The following LCORL variants were observed in gnomAD, a reference collection of about 807,000 sequenced individuals.
The protein encoded by LCORL is ligand dependent nuclear receptor corepressor like, also known as ligand-dependent nuclear receptor corepressor-like protein.
In LCORL, 41 loss-of-function variants were observed where a neutral mutation model predicts 141.8. That is an observed-to-expected ratio of 0.29 (90% CI 0.23 to 0.38). LCORL has a LOEUF of 0.38. Ranked by LOEUF, LCORL falls within the 10% of genes least tolerant of loss-of-function variation. The pLI is 1.00. For missense variants in LCORL, 1,759 were observed against 2,035.0 expected, an observed-to-expected ratio of 0.86 and a Z score of 2.61; for synonymous variants, 618 against 694.1, an observed-to-expected ratio of 0.89 and a Z score of 1.72.
intron 4 of LCORL, among the ~76,000 whole-genome samples, chr4:17,957,648 A>G (rs183911436): frequency 6.6e-6 from 1 of 152,108 alleles, no homozygotes; most frequent in Admixed American, 6.5e-5. Context: ...AGAAATGTAA[A>G]AAGTCTTCAA....
chr4:17,854,688 A>C (rs1436618532), intron 7 of LCORL, among the ~76,000 whole-genome samples: 1 of 152,144 alleles, frequency 6.6e-6, no homozygotes, highest in East Asian at 1.9e-4. Context: ...CTTTTTTAAA[A>C]AAAAACAAAA....
chr4:17,885,744 A>G (rs757797999), intron 6 of LCORL, among the ~76,000 whole-genome samples: 6 of 151,954 alleles, frequency 3.9e-5, no homozygotes, highest in Non-Finnish European at 8.8e-5. Context: ...AATAAATTAC[A>G]TATTTCCCTT....
intron 3 of LCORL, 101 bp from the exon 4 acceptor site, chr4:17,962,133 G>T: frequency 1.5e-6 from 1 of 656,326 alleles, no homozygotes; most frequent in Non-Finnish European, 2.4e-6. Flanking sequence ...ATGCCCATTT[G>T]TTCTGCTCTT....
intron 1 of LCORL, among the ~76,000 whole-genome samples, chr4:17,973,940 T>C (rs1716456880): frequency 6.6e-6 from 1 of 152,016 alleles, no homozygotes; most frequent in Non-Finnish European, 1.5e-5. Flanking sequence ...GTAAGGTAGC[T>C]ATCATGATAC....
Position 17,884,326 on chromosome 4 carries a change from G to C in LCORL, c.776+1742C>G, listed in dbSNP as rs147396791. The C allele has an allele frequency of 6.8e-5, 106 of 1,547,886 alleles. 1 individual carries two copies. The African/African-American group carries it at 1.3e-3, about 20-fold the overall frequency. ...CAGTAGGATTTGAAGTTTCATATTG[G>C]AGGCTTTCATTTTTTTCTTTAAACT... On this transcript the variant is annotated intron_variant, in intron 6 of 7. Coordinates refer to ENST00000635767, the Ensembl canonical transcript of LCORL. The surrounding 1 kb of genome is among the most constrained non-coding windows in gnomAD (Gnocchi z 4.4).
chr4:18,011,287 T>C (rs1723731564), intron 1 of LCORL, among the ~76,000 whole-genome samples: 1 of 152,154 alleles, frequency 6.6e-6, no homozygotes, highest in Non-Finnish European at 1.5e-5. Context: ...GACTGCTCAT[T>C]TTCCCAGTTT....
intron 5 of LCORL, among the ~76,000 whole-genome samples, chr4:17,887,227 C>CA (rs886080995): frequency 1.1e-4 from 16 of 146,870 alleles, no homozygotes; most frequent in African/African-American, 3.0e-4. Flanking sequence ...AGAAGAGCAT[C>CA]AAAAAAAAAA....
chr4:17,959,491 T>G lies in LCORL; in HGVS notation c.430+2412A>C, dbSNP rs138185732. On this transcript the variant is annotated intron_variant, in intron 4 of 7. Transcript: ENST00000635767. ...CAGTACTTACCCTCTTAATATTGTT[T>G]TGGCATTAAATGAGATAGAGCATAA... Among the ~76,000 whole-genome samples the G allele has an allele frequency of 3.0e-3, 456 of 152,124 alleles. 7 individuals carry two copies. Among genetic ancestry groups the G allele is most frequent in the Admixed American group, 0.026 (402 of 15,262 alleles).
intron 4 of LCORL, among the ~76,000 whole-genome samples, chr4:17,911,357 T>C (rs890615700): frequency 6.6e-6 from 1 of 152,150 alleles, no homozygotes; most frequent in African/African-American, 2.4e-5. Context: ...ATGCATAGGT[T>C]TCAAAAATGT....
chr4:17,873,287 G>T, intron 7 of LCORL, 101 bp downstream of exon 7: 2 of 748,670 alleles, frequency 2.7e-6, no homozygotes, highest in Non-Finnish European at 3.7e-6. Flanking sequence ...CAAATATTTT[G>T]GAAACTAATT....
chr4:17,910,063 T>A (rs1732267048), intron 4 of LCORL, among the ~76,000 whole-genome samples: 2 of 152,214 alleles, frequency 1.3e-5, no homozygotes, highest in Non-Finnish European at 2.9e-5. Flanking sequence ...AAGATACTTC[T>A]GTAAAATGAG....
intron 4 of LCORL, among the ~76,000 whole-genome samples, chr4:17,944,188 G>C (rs1348930232): frequency 6.6e-6 from 1 of 152,118 alleles, no homozygotes; most frequent in South Asian, 2.1e-4. Context: ...TTCTTTAGCA[G>C]ATACATAGTC....
chr4:17,993,460 C>T (rs1577671163), intron 1 of LCORL, among the ~76,000 whole-genome samples: 1 of 152,230 alleles, frequency 6.6e-6, no homozygotes, highest in Middle Eastern at 3.4e-3. Flanking sequence ...CCGCCTCAGC[C>T]TCCCAAAGTG....
intron 7 of LCORL, among the ~76,000 whole-genome samples, chr4:17,848,593 C>T (rs947168648): frequency 1.4e-4 from 21 of 152,366 alleles, no homozygotes; most frequent in African/African-American, 1.9e-4. Context: ...CAGCTCCCAG[C>T]GTGAGCGACG....
At chr4:17,912,214 G>T in intron 4 of LCORL, 2 of 764,482 alleles carry the variant, frequency 2.6e-6, no homozygotes, top group Non-Finnish European at 4.8e-6. Flanking sequence ...GACAAAGCTG[G>T]CCGTGCGCCA....
intron 1 of LCORL, among the ~76,000 whole-genome samples, chr4:18,006,215 TAA>T (rs1161288363): frequency 6.6e-6 from 1 of 152,136 alleles, no homozygotes; most frequent in Non-Finnish European, 1.5e-5. Flanking sequence ...TGCTAAAACA[TAA>T]AAAGAGTCAC....
At chr4:17,965,454 ATC>A (rs914522659) in intron 2 of LCORL, among the ~76,000 whole-genome samples, 2 of 152,278 alleles carry the variant, frequency 1.3e-5, no homozygotes, top group East Asian at 1.9e-4. Context: ...AAAAGATGTT[ATC>A]TCTCTTTTTG....
In LCORL at chr4:17,877,741, GAGGAC is replaced by G; in HGVS notation, c.1244_1248del (p.Ser415ThrfsTer8). The G allele has an allele frequency of 8.1e-7, 1 of 1,230,590 alleles. No individual in the cohort carries two copies. Among genetic ancestry groups the G allele is most frequent in the Non-Finnish European group, 1.0e-6 (1 of 986,856 alleles). 76.2% of individuals were successfully genotyped at this position (1,230,590 alleles called of 1,614,324 possible). ...AGATCACATACTTCCTTTGACAAAA[GAGGAC>G]TACGAAAGGCTGATTTTGTAGAGTG... is the stretch of plus-strand genomic sequence containing the variant. On this transcript the variant is annotated frameshift_variant, in exon 7 of 8. Transcript: ENST00000635767. LOFTEE classifies it high-confidence loss of function.
At chr4:17,947,292 A>G (rs1360838742) in intron 4 of LCORL, among the ~76,000 whole-genome samples, 1 of 152,006 alleles carries the variant, frequency 6.6e-6, no homozygotes, top group Non-Finnish European at 1.5e-5. Flanking sequence ...GCACAGAAAG[A>G]TAAATATTGC....
Sources: allele counts gnomAD v4.1 joint callset (sites outside exome capture counted in the v4.1 genomes callset), GRCh38; gene constraint gnomAD v4.1.1; non-coding constraint Gnocchi (gnomAD v3.1); transcripts MANE v1.5; gene names NCBI Gene and HGNC (gene_info 2026-07-23, HGNC 2026-07-21).